Variants in BCAS1 observed in about 807,000 individuals in gnomAD.
BCAS1 encodes breast carcinoma-amplified sequence 1.
BCAS1 carries 46 observed loss-of-function variants against 65.4 expected under a neutral mutation model. The observed-to-expected ratio is 0.70, with a 90% CI of 0.55 to 0.90. BCAS1 has a LOEUF of 0.90. BCAS1 is among the 40% of genes least tolerant of loss of function. The probability of loss-of-function intolerance (pLI) is 0.00; values close to 1 mark genes in which losing one functional copy is unlikely to be tolerated. For missense variants in BCAS1, 793 were observed against 771.2 expected, an observed-to-expected ratio of 1.03 and a Z score of -0.33; for synonymous variants, 298 against 293.5, an observed-to-expected ratio of 1.02 and a Z score of -0.16.
chr20:53,965,931 T>A (rs1265921308), intron 10 of BCAS1, among the ~76,000 whole-genome samples: 4 of 151,886 alleles, frequency 2.6e-5, no homozygotes, highest in Admixed American at 2.6e-4. Context: ...TGCTGTTGTA[T>A]GCCAAAATTT....
intron 3 of BCAS1, among the ~76,000 whole-genome samples, chr20:54,033,252 G>A (rs2091837958): frequency 6.6e-6 from 1 of 150,898 alleles, no homozygotes; most frequent in Non-Finnish European, 1.5e-5. Flanking sequence ...AGAGAACTGA[G>A]AGCAGAAAAA....
chr20:54,056,405 G>A (rs372191047), intron 3 of BCAS1, among the ~76,000 whole-genome samples: 2 of 152,286 alleles, frequency 1.3e-5, no homozygotes, highest in South Asian at 2.1e-4. Context: ...GCTAAGCCAT[G>A]TGTATACCGG....
At chr20:53,947,110 C>T (rs1466800163) in intron 12 of BCAS1, among the ~76,000 whole-genome samples, 1 of 152,080 alleles carries the variant, frequency 6.6e-6, no homozygotes, top group African/African-American at 2.4e-5. Context: ...GATTGCTGGT[C>T]TTTGAACGCC....
chr20:53,979,902 A>G (rs2299728), intron 8 of BCAS1, among the ~76,000 whole-genome samples: 52,931 of 152,078 alleles, frequency 0.35, 10,170 homozygotes, highest in African/African-American at 0.49. Context: ...GATCTACTAG[A>G]CCTATTTAGA....
At chr20:53,959,852 G>A (rs975729106) in intron 10 of BCAS1, among the ~76,000 whole-genome samples, 14 of 152,068 alleles carry the variant, frequency 9.2e-5, no homozygotes, top group Admixed American at 8.5e-4. Flanking sequence ...TCCTTCCTCC[G>A]TGCCTTGTGC....
intron 1 of BCAS1, among the ~76,000 whole-genome samples, chr20:54,066,266 G>A (rs2092441039): frequency 6.6e-6 from 1 of 152,138 alleles, no homozygotes; most frequent in Non-Finnish European, 1.5e-5. Flanking sequence ...TAGAGACGGG[G>A]TTTCCCCGTG....
At chr20:54,027,703 T>C (rs1357143751) in intron 4 of BCAS1, among the ~76,000 whole-genome samples, 1 of 152,112 alleles carries the variant, frequency 6.6e-6, no homozygotes, top group Non-Finnish European at 1.5e-5. Context: ...AATGCTCTTT[T>C]TAGTGTCAAA....
intron 10 of BCAS1, among the ~76,000 whole-genome samples, chr20:53,958,381 C>A (rs536436421): frequency 2.6e-5 from 4 of 152,182 alleles, no homozygotes; most frequent in Admixed American, 2.6e-4. Flanking sequence ...AATTCCCACA[C>A]GTTTGATCAC....
chr20:53,984,400 A>G (rs543688597), intron 8 of BCAS1, among the ~76,000 whole-genome samples: 1 of 152,376 alleles, frequency 6.6e-6, no homozygotes, highest in African/African-American at 2.4e-5. Context: ...AGGTTTCTGT[A>G]TGACAGGAAG....
At chr20:53,964,161 G>T (rs2089965542) in intron 10 of BCAS1, among the ~76,000 whole-genome samples, 1 of 152,188 alleles carries the variant, frequency 6.6e-6, no homozygotes, top group Non-Finnish European at 1.5e-5. Flanking sequence ...GTTAACCTGA[G>T]TATGATAAAT....
At chr20:53,989,769 G>T (rs1352774284) in intron 7 of BCAS1, among the ~76,000 whole-genome samples, 1 of 152,132 alleles carries the variant, frequency 6.6e-6, no homozygotes. Flanking sequence ...GTTTTCAGAG[G>T]CAATCTCATG....
chr20:54,046,563 G>T (rs1197103891), intron 3 of BCAS1, among the ~76,000 whole-genome samples: 1 of 147,976 alleles, frequency 6.8e-6, no homozygotes, highest in African/African-American at 2.5e-5. Context: ...TCAGGCAGAT[G>T]CCAGGTGCAG....
At chr20:53,985,749 C>G (rs1358976370) in intron 7 of BCAS1, among the ~76,000 whole-genome samples, 2 of 152,080 alleles carry the variant, frequency 1.3e-5, no homozygotes, top group African/African-American at 4.8e-5. Flanking sequence ...GTAAGTAACT[C>G]ATTAGGAATC....
At chr20:54,060,631 T>C (rs942055405) in intron 1 of BCAS1, among the ~76,000 whole-genome samples, 1 of 152,150 alleles carries the variant, frequency 6.6e-6, no homozygotes, top group African/African-American at 2.4e-5. Context: ...CGAATAAAAG[T>C]AATTAATAAC....
At chr20:53,948,057 C>T (rs938707540) in intron 12 of BCAS1, among the ~76,000 whole-genome samples, 6 of 152,124 alleles carry the variant, frequency 3.9e-5, no homozygotes, top group Non-Finnish European at 8.8e-5. Flanking sequence ...GGTTCAAGTC[C>T]AGGAACAAGC....
intron 1 of BCAS1, among the ~76,000 whole-genome samples, chr20:54,059,364 A>AT (rs1002181938): frequency 1.3e-5 from 2 of 151,864 alleles, no homozygotes; most frequent in Admixed American, 6.6e-5. Context: ...TGTAGATAGC[A>AT]TTTTTTTCTC....
At chr20:54,044,183 G>C (rs2092053846) in intron 3 of BCAS1, among the ~76,000 whole-genome samples, 1 of 152,194 alleles carries the variant, frequency 6.6e-6, no homozygotes, top group South Asian at 2.1e-4. Context: ...TTGAGGAAAA[G>C]AATTGAGTGC....
intron 3 of BCAS1, among the ~76,000 whole-genome samples, chr20:54,053,677 C>T (rs993543493): frequency 4.6e-5 from 7 of 152,212 alleles, no homozygotes; most frequent in Non-Finnish European, 8.8e-5. Context: ...TTAGGAGTAT[C>T]AACTTATTTA....
At chr20:54,045,729 T>C (rs577479337) in intron 3 of BCAS1, among the ~76,000 whole-genome samples, 3 of 152,380 alleles carry the variant, frequency 2.0e-5, no homozygotes, top group East Asian at 3.9e-4. Flanking sequence ...ACTGTGTAAT[T>C]GTAACACATC....
Sources: allele counts gnomAD v4.1 joint callset (sites outside exome capture counted in the v4.1 genomes callset), GRCh38; gene constraint gnomAD v4.1.1; transcripts MANE v1.5; gene names NCBI Gene and HGNC (gene_info 2026-07-23, HGNC 2026-07-21).